The following E2F4 variants were observed in gnomAD, a reference collection of about 807,000 sequenced individuals.
The protein encoded by E2F4 is transcription factor E2F4.
In E2F4, 16 loss-of-function variants were observed where a neutral mutation model predicts 44.5. The ratio of observed to expected loss-of-function variants is 0.36; its 90% confidence interval spans 0.24 to 0.55. The LOEUF (loss-of-function observed/expected upper bound fraction) is 0.55, where lower values mean the gene tolerates loss of function less well. Among genes scored for constraint, E2F4 ranks in the 20% least tolerant of loss-of-function variants. The pLI, the probability that E2F4 is intolerant of heterozygous loss-of-function variation, is 0.87. For synonymous variants in E2F4, 242 were observed against 207.2 expected (o/e 1.17, Z -1.44); for missense variants, 473 against 522.1 (o/e 0.91, Z 0.92).
intron 2 of E2F4, 45 bp from the exon 3 acceptor site, chr16:67,192,964 C>T (rs1472209703): frequency 6.4e-7 from 1 of 1,559,752 alleles, no homozygotes; most frequent in Non-Finnish European, 8.7e-7. Context: ...GCCATGGGAC[C>T]CAGAGTTCTC....
Position 67,195,938 on chromosome 16 carries a change from A to G in E2F4, c.965A>G (p.Asn322Ser), listed in dbSNP as rs1231596120. ...AGCAGCAGCAGCAGCAGCAACAGTAACAGCAGCAGTTCGTCCGGACCCAAC... is the reference window on the plus strand; with the variant it reads ...AGCAGCAGCAGCAGCAGCAACAGTAGCAGCAGCAGTTCGTCCGGACCCAAC... ...SSSSSSSSNS[N>S]SSSSSGPNPS... Residue 322 changes from asparagine to serine, a missense_variant, in exon 7 of 10, where the codon AAC becomes AGC. This residue lies in a region of E2F4 where 314 missense variants were observed against 315.6 expected (regional missense o/e 0.99). Coordinates refer to ENST00000379378, the MANE Select transcript of E2F4 (RefSeq NM_001950.4). 1.3e-5 allele frequency: 21 copies of G among 1,601,374 alleles called. No homozygotes were observed. Among genetic ancestry groups the G allele is most frequent in the South Asian group, 1.1e-4 (10 of 90,950 alleles).
intron 8 of E2F4, 75 bp from the exon 9 acceptor site, chr16:67,197,792 G>A: frequency 1.2e-6 from 2 of 1,609,634 alleles, no homozygotes; most frequent in South Asian, 2.2e-5. Flanking sequence ...GGCAGGTGGG[G>A]TTCCCTTTCC....
At position 67,198,216 on chromosome 16, in the gene E2F4, A is replaced by G. The variant is rs926038107; in HGVS notation, c.*93A>G. The G allele has an allele frequency of 5.3e-6, 6 of 1,131,984 alleles. No homozygotes were observed. Among genetic ancestry groups the G allele is most frequent in the Admixed American group, 3.5e-5 (2 of 57,940 alleles). 70.1% of individuals were successfully genotyped at this position (1,131,984 alleles called of 1,614,324 possible). ...TCCCACCCGACCCCTACAGAGCTTG[A>G]GAGCCACAGACGCCTGGCTTCTCCG... On this transcript the variant is annotated 3_prime_UTR_variant, in exon 10 of 10. Coordinates refer to ENST00000379378, the MANE Select transcript of E2F4 (RefSeq NM_001950.4).
chr16:67,197,279 A>G (rs906026176), intron 7 of E2F4, among the ~76,000 whole-genome samples: 1 of 152,170 alleles, frequency 6.6e-6, no homozygotes, highest in Non-Finnish European at 1.5e-5. Flanking sequence ...GGTGCTCAGC[A>G]AGGGTGGGAC....
At chr16:67,194,302 G>A (rs889207639) in intron 4 of E2F4, 96 bp from the exon 5 acceptor site, 1 of 1,361,704 alleles carries the variant, frequency 7.3e-7, no homozygotes, top group Non-Finnish European at 1.0e-6. Context: ...GTTCCTCAGG[G>A]ACCGTGATCT....
In E2F4 at chr16:67,193,019, C is replaced by G; in HGVS notation, c.256C>G (p.Pro86Ala). 6.4e-7 allele frequency: 1 copy of G among 1,570,962 alleles called. No homozygotes were observed. The highest frequency in any genetic ancestry group is 1.2e-5 in the South Asian group (1 of 86,180). The stretch of plus-strand genomic sequence containing the variant: ...ACTCCCTGGGCTCAGGGGTGTGGGG[C>G]CTGGCTGCAATACCCGGGAGATTGC... ...KNSIQWKGVG[P>A]GCNTREIADK... The change falls in exon 3 of 10, where the codon CCT (proline) becomes GCT (alanine). Residue 86 changes from proline to alanine, a missense_variant. This residue lies in a region of E2F4 where 119 missense variants were observed against 175.6 expected (regional missense o/e 0.68). Transcript: ENST00000379378.
chr16:67,193,247 C>T, intron 3 of E2F4, 77 bp downstream of exon 3: 1 of 1,529,078 alleles, frequency 6.5e-7, no homozygotes, highest in Non-Finnish European at 8.8e-7. Flanking sequence ...TCCTGTTCCT[C>T]TTGGGAGTTT....
chr16:67,198,221 CACAG>C lies in E2F4; in HGVS notation c.*101_*104del. 9.3e-7 allele frequency: 1 copy of C among 1,074,466 alleles called. No homozygotes were observed. The highest frequency in any genetic ancestry group is 1.4e-6 in the Non-Finnish European group (1 of 708,878). The allele number at this position is 1,074,466 out of a possible 1,614,324, so 66.6% of individuals were successfully genotyped here. On this transcript the variant is annotated 3_prime_UTR_variant, in exon 10 of 10. Coordinates refer to ENST00000379378, the MANE Select transcript of E2F4 (RefSeq NM_001950.4). ...CCCGACCCCTACAGAGCTTGAGAGC[CACAG>C]ACGCCTGGCTTCTCCGGCCTCCCCT...
chr16:67,195,886 C>T lies in E2F4; in HGVS notation c.913C>T (p.Leu305=), dbSNP rs773353905. The change falls in exon 7 of 10, where the codon CTG becomes TTG. Residue 305 remains leucine (L), a synonymous_variant. Transcript: ENST00000379378. ...CCGGCCACTGCAGTCTTCTGCCCTG[C>T]TGGACAGCAGCAGCAGCAGCAGCAG... ...DTRPLQSSAL[L]DSSSSSSSSS... is the part of the protein sequence containing the mutation. 4 of 1,601,892 alleles carry T rather than the reference C, an allele frequency of 2.5e-6. No individual in the cohort carries two copies. In the South Asian group the frequency reaches 3.3e-5, roughly 13 times the overall value.
chr16:67,192,454 C>A lies in E2F4; in HGVS notation c.135+92C>A, dbSNP rs1246566605. On this transcript the variant is annotated intron_variant, in intron 1 of 9. Transcript: ENST00000379378. ...CCGGGGGCGGCCCAGCTGGGTCCTC[C>A]GAGAGCCGGCCGCCATCGTGTGCTT... The A allele has an allele frequency of 4.4e-6, 6 of 1,374,628 alleles. No homozygotes were observed. In the Admixed American group the frequency reaches 1.6e-4, roughly 37 times the overall value. 85.2% of individuals were successfully genotyped at this position (1,374,628 alleles called of 1,614,324 possible).
chr16:67,194,096 A>G, intron 4 of E2F4: 1 of 387,020 alleles, frequency 2.6e-6, no homozygotes, highest in Non-Finnish European at 4.7e-6. Flanking sequence ...GTCATGGGAA[A>G]GGGATGTTGG....
At position 67,192,224 on chromosome 16, in the gene E2F4, C is replaced by A. The variant is rs368708398; in HGVS notation, c.-4C>A. On this transcript the variant is annotated 5_prime_UTR_variant, in exon 1 of 10. Transcript: ENST00000379378. ...TGGCTGAGGGGAGGCGGCGGGCGGG[C>A]GCGATGGCGGAGGCCGGGCCACAGG... 2.2e-4 allele frequency: 262 copies of A among 1,213,458 alleles called. No individual in the cohort carries two copies. Among genetic ancestry groups the A allele is most frequent in the Middle Eastern group, 1.3e-3 (4 of 3,058 alleles). 75.2% of individuals were successfully genotyped at this position (1,213,458 alleles called of 1,614,324 possible).
Position 67,195,890 on chromosome 16 carries a change from ACAGCAGCAGCAG to A in E2F4, c.947_958del (p.Ser316_Ser319del), listed in dbSNP as rs3830472. 1,139 of 1,608,040 alleles carry A rather than the reference ACAGCAGCAGCAG, an allele frequency of 7.1e-4. 1 individual carries two copies. Among genetic ancestry groups the A allele is most frequent in the Middle Eastern group, 2.2e-3 (13 of 6,024 alleles). On this transcript the variant is annotated inframe_deletion, in exon 7 of 10. Transcript: ENST00000379378. Reference sequence around the variant, plus strand: ...CCACTGCAGTCTTCTGCCCTGCTGGACAGCAGCAGCAGCAGCAGCAGCAGCAGCAGCAGCAGC... The same window carrying A: ...CCACTGCAGTCTTCTGCCCTGCTGGACAGCAGCAGCAGCAGCAGCAGCAGC...
chr16:67,192,308 C>G lies in E2F4; in HGVS notation c.81C>G (p.Thr27=), dbSNP rs1162331853. The G allele has an allele frequency of 1.4e-6, 2 of 1,423,508 alleles. No homozygotes were observed. The highest frequency in any genetic ancestry group is 2.9e-5 in the African/African-American group (2 of 68,338). 88.2% of individuals were successfully genotyped at this position (1,423,508 alleles called of 1,614,324 possible). A position where few individuals can be genotyped will look rare whatever the true frequency, so the allele number is the denominator to read the frequency against. ...AAAAGAGCCTGGGACTGCTCACCAC[C>G]AAGTTCGTGTCCCTTCTGCAGGAGG... ...RHEKSLGLLT[T]KFVSLLQEAK... is the part of the protein sequence containing the mutation. Residue 27 remains threonine, a synonymous_variant, in exon 1 of 10, where the codon ACC becomes ACG. Transcript: ENST00000379378.
Position 67,194,692 on chromosome 16 carries a change from A to T in E2F4, c.520A>T (p.Asn174Tyr), listed in dbSNP as rs779420375. 5.0e-6 allele frequency: 8 copies of T among 1,611,488 alleles called. No individual in the cohort carries two copies. Among genetic ancestry groups the T allele is most frequent in the Non-Finnish European group, 6.8e-6 (8 of 1,177,690 alleles). ...SLEVPIPEGL[N>Y]GQKKYQIHLK... ...CCTTACCACCCATCTCTAGGGTCTC[A>T]ATGGGCAGAAGAAGTACCAGATTCA... is the stretch of plus-strand genomic sequence containing the variant. Residue 174 changes from asparagine to tyrosine, a missense_variant, in exon 6 of 10, where the codon AAT (asparagine) becomes TAT (tyrosine). By Grantham distance (143) the Asn-to-Tyr change is moderately radical. This residue lies in a region of E2F4 where 314 missense variants were observed against 315.6 expected (regional missense o/e 0.99). Coordinates refer to ENST00000379378, the MANE Select transcript of E2F4 (RefSeq NM_001950.4).
rs1195751151 is a variant in E2F4 at position 67,194,445 on chromosome 16, G to A, written c.499G>A (p.Val167Met). 6.2e-7 allele frequency: 1 copy of A among 1,613,932 alleles called. No individual in the cohort carries two copies. Among genetic ancestry groups the A allele is most frequent in the African/African-American group, 1.3e-5 (1 of 74,944 alleles). The part of the protein sequence containing the change: ...IRAPSGTSLE[V>M]PIPEGLNGQK... ...GGCCCCATCAGGCACCAGCCTGGAG[G>A]TGCCCATCCCAGAGGTGGGTGCTTA... Residue 167 changes from valine to methionine, a missense_variant, in exon 5 of 10, where the codon GTG (valine) becomes ATG (methionine). Transcript: ENST00000379378.
At chr16:67,192,711 TG>T in intron 1 of E2F4, 49 bp from the exon 2 acceptor site, 3 of 1,540,406 alleles carry the variant, frequency 1.9e-6, no homozygotes, top group Non-Finnish European at 1.8e-6. Flanking sequence ...TCAGGGTGGC[TG>T]GGGGTACACC....
chr16:67,195,067 C>A, intron 6 of E2F4, 87 bp downstream of exon 6: 1 of 1,498,014 alleles, frequency 6.7e-7, no homozygotes, highest in East Asian at 2.3e-5. Context: ...GGAAGAGACT[C>A]TTCAGGTTGG....
intron 4 of E2F4, chr16:67,193,977 T>G: frequency 4.3e-6 from 1 of 234,980 alleles, no homozygotes; most frequent in Non-Finnish European, 8.3e-6. Flanking sequence ...CTTGAACTCC[T>G]GAGCTCAAGC....
Sources: gnomAD v4.1 joint callset for allele counts (sites outside exome capture counted in the v4.1 genomes callset) on GRCh38, gnomAD v4.1.1 for gene constraint, gnomAD v4.1.1 regional missense constraint, MANE v1.5 for transcripts, NCBI Gene and HGNC (gene_info 2026-07-23, HGNC 2026-07-21) for gene names.